The following PIEZO2 variants were observed in gnomAD, a reference collection of about 807,000 sequenced individuals.
The protein encoded by PIEZO2 is piezo-type mechanosensitive ion channel component 2.
Under a neutral mutation model 337.3 loss-of-function variants are expected in PIEZO2, and 172 were observed. The ratio of observed to expected loss-of-function variants is 0.51; its 90% CI spans 0.45 to 0.58. The LOEUF (loss-of-function observed/expected upper bound fraction) is 0.58, where lower values mean the gene tolerates loss of function less well. Among genes scored for constraint, PIEZO2 ranks in the 20% least tolerant of loss-of-function variants. The pLI is 0.00. For missense variants in PIEZO2, 3,028 were observed against 3,391.3 expected, an observed-to-expected ratio of 0.89 and a Z score of 2.66; for synonymous variants, 1,251 against 1,228.5, an observed-to-expected ratio of 1.02 and a Z score of -0.38.
intron 7 of PIEZO2, among the ~76,000 whole-genome samples, chr18:10,808,237 T>A (rs186322699): frequency 3.0e-4 from 46 of 152,268 alleles, no homozygotes; most frequent in African/African-American, 1.1e-3. Flanking sequence ...CACAAGGGTA[T>A]GCCACCATAC....
rs370804397 is a variant in PIEZO2 at position 11,003,099 on chromosome 18, C to T, written c.161-23439G>A. 1.3e-5 allele frequency among the ~76,000 whole-genome samples: 2 copies of T among 152,174 alleles called. No individual in the cohort carries two copies. The highest frequency in any genetic ancestry group is 2.9e-5 in the Non-Finnish European group (2 of 68,032). ...GAGATGTCCAGTGACATGTCTTTGC[C>T]GTGCCCTCCCAGGTCTTCCTCCAGC... is the stretch of plus-strand genomic sequence containing the variant. On this transcript the variant is annotated intron_variant, in intron 2 of 55. Coordinates refer to ENST00000674853, the MANE Select transcript of PIEZO2 (RefSeq NM_001378183.1). This position sits in a 1 kb window ranked among gnomAD's most constrained non-coding sequence, Gnocchi z 4.6.
intron 4 of PIEZO2, among the ~76,000 whole-genome samples, chr18:10,886,203 G>T (rs1249318698): frequency 6.8e-6 from 1 of 147,676 alleles, no homozygotes; most frequent in Non-Finnish European, 1.5e-5. Flanking sequence ...ATTTGTGTCA[G>T]ATAAGTAAAG....
rs928920199 is a variant in PIEZO2 at position 10,903,652 on chromosome 18, G to A, written c.329+7534C>T. 6.6e-6 allele frequency among the ~76,000 whole-genome samples: 1 copy of A among 151,768 alleles called. No homozygotes were observed. Among genetic ancestry groups the A allele is most frequent in the African/African-American group, 2.4e-5 (1 of 41,288 alleles). On this transcript the variant is annotated intron_variant, in intron 4 of 55. Coordinates refer to ENST00000674853, the MANE Select transcript of PIEZO2 (RefSeq NM_001378183.1). The surrounding 1 kb of genome is among the most constrained non-coding windows in gnomAD (Gnocchi z 4.1). ...CACACCACTGCACTCCAGCCTGGGC[G>A]ACAGAGCAAGACTCCATCTCAAAAA...
At chr18:10,930,521 A>G (rs2032014631) in intron 3 of PIEZO2, among the ~76,000 whole-genome samples, 1 of 152,242 alleles carries the variant, frequency 6.6e-6, no homozygotes, top group Non-Finnish European at 1.5e-5. Flanking sequence ...TAAAATGTAT[A>G]AAATCAAGCT....
chr18:11,085,909 T>C (rs942831235), intron 1 of PIEZO2, among the ~76,000 whole-genome samples: 2 of 151,038 alleles, frequency 1.3e-5, no homozygotes, highest in African/African-American at 4.9e-5. Context: ...GGGGGTATAA[T>C]GGAAACCCTA....
At position 10,815,983 on chromosome 18, in the gene PIEZO2, T is replaced by C. The variant is rs151088009; in HGVS notation, c.918-8709A>G. 3.6e-3 allele frequency among the ~76,000 whole-genome samples: 554 copies of C among 152,204 alleles called. 4 individuals are homozygous for C. The highest frequency in any genetic ancestry group is 0.013 in the African/African-American group (535 of 41,540). ...ATCATCAGTGCAATAAAAACTCCCA[T>C]TTGGAGAAAGGAGGTGCGGGAAACA... On this transcript the variant is annotated intron_variant, in intron 7 of 55. Coordinates refer to ENST00000674853, the MANE Select transcript of PIEZO2 (RefSeq NM_001378183.1). This position sits in a 1 kb window ranked among gnomAD's most constrained non-coding sequence, Gnocchi z 4.1.
intron 27 of PIEZO2, 21 bp from the exon 28 acceptor site, chr18:10,752,900 C>A: frequency 6.6e-7 from 1 of 1,515,400 alleles, no homozygotes; most frequent in Admixed American, 2.1e-5. Context: ...AAGCCAGTGA[C>A]AAAAAGACAA....
chr18:10,989,488 A>G (rs1268256714), intron 2 of PIEZO2, among the ~76,000 whole-genome samples: 1 of 138,676 alleles, frequency 7.2e-6, no homozygotes, highest in Non-Finnish European at 1.6e-5. Context: ...ATAAGCTCTA[A>G]GACAAAAAAA....
Position 10,929,632 on chromosome 18 carries a change from A to G in PIEZO2, c.287-18404T>C, listed in dbSNP as rs1288036183. ...TGCCTCTACCAACCTCTCGGGTCTC[A>G]GGACAGATCCCGCTATCCTCTCCCA... On this transcript the variant is annotated intron_variant, in intron 3 of 55. Transcript: ENST00000674853. The surrounding 1 kb of genome is among the most constrained non-coding windows in gnomAD (Gnocchi z 5.6). 6.6e-6 allele frequency among the ~76,000 whole-genome samples: 1 copy of G among 152,226 alleles called. No homozygotes were observed. The highest frequency in any genetic ancestry group is 1.5e-5 in the Non-Finnish European group (1 of 68,038).
At chr18:10,961,180 C>CAAA (rs576531265) in intron 3 of PIEZO2, among the ~76,000 whole-genome samples, 2 of 117,560 alleles carry the variant, frequency 1.7e-5, no homozygotes, top group African/African-American at 6.3e-5. Flanking sequence ...GACTCCATCT[C>CAAA]AAAAAAAAAA....
Position 10,795,944 on chromosome 18 carries a change from T to C in PIEZO2, c.1528-942A>G, listed in dbSNP as rs115019715. Among the ~76,000 whole-genome samples the C allele has an allele frequency of 0.012, 1,796 of 152,236 alleles. 39 individuals are homozygous for C. The highest frequency in any genetic ancestry group is 0.04 in the African/African-American group (1,643 of 41,510). ...TATAGCTTCTTTTATCTTCTATCTA[T>C]GGGCCAAGGGTCTGTTTTGAAGGTG... On this transcript the variant is annotated intron_variant, in intron 12 of 55. Transcript: ENST00000674853. This position sits in a 1 kb window ranked among gnomAD's most constrained non-coding sequence, Gnocchi z 4.4.
intron 7 of PIEZO2, among the ~76,000 whole-genome samples, chr18:10,822,745 T>C (rs987031307): frequency 6.6e-5 from 10 of 152,220 alleles, no homozygotes; most frequent in Non-Finnish European, 1.5e-4. Context: ...GTGAACGCGT[T>C]GGGGTGCACT....
chr18:10,858,675 T>A (rs2041792851), intron 5 of PIEZO2, among the ~76,000 whole-genome samples: 1 of 152,282 alleles, frequency 6.6e-6, no homozygotes, highest in Non-Finnish European at 1.5e-5. Flanking sequence ...GGAGTGCCAG[T>A]GCCAAGTTCT....
intron 7 of PIEZO2, among the ~76,000 whole-genome samples, chr18:10,832,556 A>G (rs572199617): frequency 1.2e-3 from 181 of 152,296 alleles, no homozygotes; most frequent in African/African-American, 4.0e-3. Context: ...TAGAGACCCA[A>G]TTGGCCCTGT....
chr18:10,751,984 G>A (rs1198522953), intron 28 of PIEZO2, among the ~76,000 whole-genome samples: 2 of 152,146 alleles, frequency 1.3e-5, no homozygotes, highest in Non-Finnish European at 2.9e-5. Flanking sequence ...AGCTTCGTCG[G>A]GGCCTGGTGC....
intron 48 of PIEZO2, 125 bp downstream of exon 48, chr18:10,691,100 G>A (rs1171061399): frequency 1.3e-5 from 15 of 1,125,188 alleles, no homozygotes; most frequent in East Asian, 4.8e-5. Flanking sequence ...AACATCGTAA[G>A]AGTTCCACAA....
intron 1 of PIEZO2, among the ~76,000 whole-genome samples, chr18:11,066,830 C>T (rs1180262263): frequency 2.6e-5 from 4 of 152,180 alleles, no homozygotes; most frequent in African/African-American, 7.2e-5. Context: ...GAACTCTTGA[C>T]CTCAGGTAAT....
chr18:10,989,146 G>T (rs2145541468), intron 2 of PIEZO2, among the ~76,000 whole-genome samples: 1 of 152,124 alleles, frequency 6.6e-6, no homozygotes, highest in South Asian at 2.1e-4. Context: ...TTGGAGGGTG[G>T]CAGATATGTT....
intron 14 of PIEZO2, among the ~76,000 whole-genome samples, 191 bp downstream of exon 14, chr18:10,791,010 G>C (rs550751892): frequency 1.4e-4 from 22 of 152,268 alleles, no homozygotes; most frequent in African/African-American, 5.1e-4. Context: ...GGCCCAACTG[G>C]CACATTTTTA....
Sources: allele counts gnomAD v4.1 joint callset (sites outside exome capture counted in the v4.1 genomes callset), GRCh38; gene constraint gnomAD v4.1.1; non-coding constraint Gnocchi (gnomAD v3.1); transcripts MANE v1.5; gene names NCBI Gene and HGNC (gene_info 2026-07-23, HGNC 2026-07-21).